IL18: variants seen among roughly 807,000 people sequenced by gnomAD.
The protein encoded by IL18 is interleukin-18.
Under a neutral mutation model 14.2 loss-of-function variants are expected in IL18, and 8 were observed. The observed-to-expected ratio is 0.56, with a 90% CI of 0.33 to 1.01. The LOEUF is 1.01. Among genes scored for constraint, IL18 ranks in the 50% least tolerant of loss-of-function variants. The pLI, the probability that IL18 is intolerant of heterozygous loss-of-function variation, is 0.03. For missense variants in IL18, 166 were observed against 231.1 expected (o/e 0.72, Z 1.83); for synonymous variants, 67 against 71.0 (o/e 0.94, Z 0.28).
chr11:112,158,859 A>G (rs549875179), intron 1 of IL18, among the ~76,000 whole-genome samples: 13 of 152,314 alleles, frequency 8.5e-5, no homozygotes, highest in Non-Finnish European at 1.8e-4. Flanking sequence ...ACCGTTGCCT[A>G]ATTCAATTCA....
Position 112,153,613 on chromosome 11 carries a change from G to A in IL18, c.80-10C>T, listed in dbSNP as rs371489387. 37 of 1,543,892 alleles carry A rather than the reference G, an allele frequency of 2.4e-5. No individual in the cohort carries two copies. Among genetic ancestry groups the A allele is most frequent in the Non-Finnish European group, 2.8e-5 (32 of 1,134,918 alleles). On this transcript the variant is annotated splice_polypyrimidine_tract_variant and intron_variant, in intron 2 of 5. Coordinates refer to ENST00000280357, the MANE Select transcript of IL18 (RefSeq NM_001562.4). Reference sequence around the variant, plus strand: ...TTACCATCATCTTCAGCTAAGAGGGGGAAAAAGAGAGAAACAGAATATGTA... The same window carrying A: ...TTACCATCATCTTCAGCTAAGAGGGAGAAAAAGAGAGAAACAGAATATGTA...
chr11:112,151,361 A>G (rs1206903156), intron 3 of IL18, among the ~76,000 whole-genome samples: 1 of 152,182 alleles, frequency 6.6e-6, no homozygotes, highest in Non-Finnish European at 1.5e-5. Flanking sequence ...GTATATATAC[A>G]TAGAAAGGAG....
At chr11:112,160,338 C>A (rs1471437943) in intron 1 of IL18, among the ~76,000 whole-genome samples, 2 of 150,664 alleles carry the variant, frequency 1.3e-5, no homozygotes, top group East Asian at 3.9e-4. Context: ...CCTGCAAACC[C>A]TGCCTCATCT....
In IL18 at chr11:112,148,621, G is replaced by A. The variant is rs1207815486; in HGVS notation, c.342C>T (p.Asn114=). ...CEKISTLSCE[N]KIISFKEMNP... is the part of the protein sequence containing the mutation. The stretch of plus-strand genomic sequence containing the variant: ...GTCTTACCTTAAAGGAAATAATTTT[G>A]TTCTCACAGGAGAGAGTTGAAATTT... Residue 114 remains asparagine, a synonymous_variant, in exon 5 of 6, where the codon AAC becomes AAT. Coordinates refer to ENST00000280357, the MANE Select transcript of IL18 (RefSeq NM_001562.4). The A allele has an allele frequency of 6.0e-6, 9 of 1,503,072 alleles. No individual in the cohort carries two copies. The highest frequency in any genetic ancestry group is 8.0e-6 in the Non-Finnish European group (9 of 1,119,074). The allele number at this position is 1,503,072 out of a possible 1,614,324, so 93.1% of individuals were successfully genotyped here. A position where few individuals can be genotyped will look rare whatever the true frequency, so the allele number is the denominator to read the frequency against.
chr11:112,156,223 G>GT (rs1372213026), intron 1 of IL18, among the ~76,000 whole-genome samples: 1 of 152,012 alleles, frequency 6.6e-6, no homozygotes, highest in Non-Finnish European at 1.5e-5. Context: ...TTAAAACTCA[G>GT]TTTAAAAAAA....
chr11:112,144,729 C>G (rs570490410), intron 5 of IL18, among the ~76,000 whole-genome samples: 1 of 152,372 alleles, frequency 6.6e-6, no homozygotes, highest in Admixed American at 6.5e-5. Flanking sequence ...GTCCTTGACT[C>G]TGTCTTCCTG....
At chr11:112,149,660 C>A (rs909431925) in intron 4 of IL18, among the ~76,000 whole-genome samples, 1 of 147,060 alleles carries the variant, frequency 6.8e-6, no homozygotes, top group Non-Finnish European at 1.5e-5. Context: ...CAGTGTACTA[C>A]AGCCTCAAAG....
rs572578314 is a variant in IL18, at chr11:112,153,678, C to T, written c.80-75G>A. 7 of 1,090,342 alleles carry T rather than the reference C, an allele frequency of 6.4e-6. No homozygotes were observed. The African/African-American group carries it at 1.1e-4, about 17-fold the overall frequency. The allele number at this position is 1,090,342 out of a possible 1,614,324, so 67.5% of individuals were successfully genotyped here. Reference sequence around the variant, plus strand: ...GACTCAGAATTCAATCTCATTCTAGCTTTTACTTTTGCTACTCCTCTTTCT... The same window carrying T: ...GACTCAGAATTCAATCTCATTCTAGTTTTTACTTTTGCTACTCCTCTTTCT... On this transcript the variant is annotated intron_variant, in intron 2 of 5. Coordinates refer to ENST00000280357, the MANE Select transcript of IL18 (RefSeq NM_001562.4).
intron 5 of IL18, among the ~76,000 whole-genome samples, chr11:112,145,303 C>T (rs1866317197): frequency 6.6e-6 from 1 of 152,122 alleles, no homozygotes; most frequent in African/African-American, 2.4e-5. Context: ...CAGCTGTCTA[C>T]AATATACAAT....
chr11:112,149,502 T>A (rs1866399472), intron 4 of IL18, among the ~76,000 whole-genome samples: 1 of 151,904 alleles, frequency 6.6e-6, no homozygotes, highest in African/African-American at 2.4e-5. Context: ...CTAACTTTGA[T>A]ATTTGGAATT....
chr11:112,158,866 T>G (rs1329111246), intron 1 of IL18, among the ~76,000 whole-genome samples: 1 of 152,170 alleles, frequency 6.6e-6, no homozygotes, highest in African/African-American at 2.4e-5. Context: ...CCTAATTCAA[T>G]TCACATAAAA....
chr11:112,159,356 G>A (rs1177734091), intron 1 of IL18, among the ~76,000 whole-genome samples: 1 of 152,056 alleles, frequency 6.6e-6, no homozygotes, highest in Non-Finnish European at 1.5e-5. Flanking sequence ...CCACCACCAA[G>A]AACAAAAGAA....
At chr11:112,143,841 A>G in intron 5 of IL18, 24 bp from the exon 6 acceptor site, 1 of 1,395,756 alleles carries the variant, frequency 7.2e-7, no homozygotes, top group Non-Finnish European at 1.0e-6. Flanking sequence ...AACATTACCT[A>G]ATTATTTCAG....
chr11:112,158,337 C>T (rs1462937102), intron 1 of IL18, among the ~76,000 whole-genome samples: 1 of 152,168 alleles, frequency 6.6e-6, no homozygotes, highest in African/African-American at 2.4e-5. Context: ...AGGAGATATT[C>T]TTGGAGTACA....
chr11:112,153,837 C>A (rs1866487945), intron 2 of IL18, among the ~76,000 whole-genome samples: 1 of 151,778 alleles, frequency 6.6e-6, no homozygotes, highest in Non-Finnish European at 1.5e-5. Flanking sequence ...AAAACTTAAA[C>A]CTAGGGTTTA....
Position 112,143,773 on chromosome 11 carries a change from GA to G in IL18, c.404del (p.Ile135ThrfsTer27). On this transcript the variant is annotated frameshift_variant, in exon 6 of 6. Transcript: ENST00000280357. LOFTEE classifies it low-confidence loss of function (END_TRUNC). ...PDNIKDTKSDIIFFQRSVPGH... is the reference protein window; with the variant it reads ...PDNIKDTKSDXIFFQRSVPGH... Reference sequence around the variant, plus strand: ...CTGGGACACTTCTCTGAAAGAATATGATGTCACTTTTTGTATCCTTGATGTT... The same window carrying G: ...CTGGGACACTTCTCTGAAAGAATATGTGTCACTTTTTGTATCCTTGATGTT... 6.2e-7 allele frequency: 1 copy of G among 1,612,114 alleles called. No homozygotes were observed. The highest frequency in any genetic ancestry group is 8.5e-7 in the Non-Finnish European group (1 of 1,178,610).
intron 1 of IL18, among the ~76,000 whole-genome samples, chr11:112,159,325 G>GA (rs1433121649): frequency 6.6e-6 from 1 of 152,040 alleles, no homozygotes; most frequent in Non-Finnish European, 1.5e-5. Flanking sequence ...CAGCAAAAGC[G>GA]AAACTCTGTC....
Position 112,162,825 on chromosome 11 carries a change from G to GT in IL18, c.-9+1080dup, listed in dbSNP as rs542462283. On this transcript the variant is annotated intron_variant, in intron 1 of 5. Transcript: ENST00000280357. ...AGGAAGTTTGTTTGTTTTTTTGTTT[G>GT]TTTTTTTGAGAAAGTCTCGCTCTGT... is the stretch of plus-strand genomic sequence containing the variant. Among the ~76,000 whole-genome samples, 105 of 152,150 alleles carry GT rather than the reference G, an allele frequency of 6.9e-4. 1 individual carries two copies. Among genetic ancestry groups the GT allele is most frequent in the Middle Eastern group, 3.4e-3 (1 of 294 alleles).
rs201283697 is a variant in IL18 at position 112,143,367 on chromosome 11, A to T, written c.*229T>A. The T allele has an allele frequency of 1.2e-4, 44 of 366,990 alleles. No homozygotes were observed. In the East Asian group the frequency reaches 2.1e-3, roughly 18 times the overall value. The allele number at this position is 366,990 out of a possible 1,614,324, so 22.7% of individuals were successfully genotyped here. A position where few individuals can be genotyped will look rare whatever the true frequency, so the allele number is the denominator to read the frequency against. ...GCAATCTCGGCTCACCACAACCTCT[A>T]CCTCCGGAGTGCAAGTGATTCTCCT... On this transcript the variant is annotated 3_prime_UTR_variant, in exon 6 of 6. Transcript: ENST00000280357.
Sources: gnomAD v4.1 joint callset for allele counts (sites outside exome capture counted in the v4.1 genomes callset) on GRCh38, gnomAD v4.1.1 for gene constraint, MANE v1.5 for transcripts, NCBI Gene and HGNC (gene_info 2026-07-23, HGNC 2026-07-21) for gene names.